CATSPERE: variants seen among roughly 807,000 people sequenced by gnomAD.
CATSPERE encodes the protein catsper channel auxiliary subunit epsilon.
In CATSPERE, 93 loss-of-function variants were observed where a neutral mutation model predicts 114.1. The observed-to-expected ratio is 0.81, with a 90% CI of 0.69 to 0.97. The LOEUF is 0.97. CATSPERE is among the 50% of genes least tolerant of loss of function. The probability of loss-of-function intolerance (pLI) is 0.00; values close to 1 mark genes in which losing one functional copy is unlikely to be tolerated. For synonymous variants in CATSPERE, 341 were observed against 384.1 expected, an observed-to-expected ratio of 0.89 and a Z score of 1.31; for missense variants, 1,058 against 1,131.6, an observed-to-expected ratio of 0.93 and a Z score of 0.93.
rs150559829 is a variant in CATSPERE at position 244,601,639 on chromosome 1, C to T, written c.2304-4056C>T. 1.6e-3 allele frequency among the ~76,000 whole-genome samples: 250 copies of T among 152,122 alleles called. 2 individuals are homozygous for T. The highest frequency in any genetic ancestry group is 5.8e-3 in the African/African-American group (239 of 41,506). ...GGCTGAGTAGGGAACGAAGAGAAGG[C>T]AAGAGAGAAATGCTGTGTGAGAAAG... On this transcript the variant is annotated intron_variant, in intron 17 of 21. Transcript: ENST00000366534.
chr1:244,494,947 A>T (rs958543718), intron 6 of CATSPERE, among the ~76,000 whole-genome samples: 7 of 152,218 alleles, frequency 4.6e-5, no homozygotes, highest in African/African-American at 7.2e-5. Flanking sequence ...TAATAATATT[A>T]TCAGTAATTA....
intron 5 of CATSPERE, among the ~76,000 whole-genome samples, chr1:244,486,614 C>T (rs1261332489): frequency 9.2e-6 from 1 of 108,332 alleles, no homozygotes; most frequent in Non-Finnish European, 1.9e-5. Flanking sequence ...GTGGAGTACT[C>T]GTGGGTCAGG....
In CATSPERE at chr1:244,533,551, A is replaced by G. The variant is rs554676783; in HGVS notation, c.536+14853A>G. 2.6e-5 allele frequency among the ~76,000 whole-genome samples: 4 copies of G among 152,198 alleles called. No homozygotes were observed. In the South Asian group the frequency reaches 8.3e-4, roughly 32 times the overall value. ...CTGTTGTATGTTATTTAAGACTACC[A>G]TGAAGCTTGCAAATAATTATAGCCC... On this transcript the variant is annotated intron_variant, in intron 8 of 21. Transcript: ENST00000366534.
chr1:244,566,827 G>A (rs983525451), intron 10 of CATSPERE, among the ~76,000 whole-genome samples: 14 of 151,154 alleles, frequency 9.3e-5, no homozygotes, highest in Admixed American at 4.0e-4. Context: ...CTTTTAATTG[G>A]GGCATTTAGC....
chr1:244,631,604 G>A (rs752214594), intron 20 of CATSPERE, among the ~76,000 whole-genome samples: 25 of 152,158 alleles, frequency 1.6e-4, no homozygotes, highest in African/African-American at 2.7e-4. Context: ...CTTACAACTC[G>A]ACAATAAGAA....
intron 10 of CATSPERE, among the ~76,000 whole-genome samples, chr1:244,565,266 A>G (rs1663269861): frequency 6.6e-6 from 1 of 152,194 alleles, no homozygotes; most frequent in Non-Finnish European, 1.5e-5. Flanking sequence ...GCCTCATAAA[A>G]TGAATTAGTG....
chr1:244,546,110 C>T (rs1659711777), intron 8 of CATSPERE, among the ~76,000 whole-genome samples: 1 of 152,176 alleles, frequency 6.6e-6, no homozygotes, highest in African/African-American at 2.4e-5. Flanking sequence ...ACTACAGAGG[C>T]CTTGGGTTTT....
intron 8 of CATSPERE, among the ~76,000 whole-genome samples, chr1:244,536,861 G>C (rs1324212882): frequency 6.6e-6 from 1 of 151,988 alleles, no homozygotes; most frequent in Non-Finnish European, 1.5e-5. Flanking sequence ...CCTCAAACTA[G>C]TTTTTTAAAG....
chr1:244,493,768 A>G (rs1269346918), intron 6 of CATSPERE, among the ~76,000 whole-genome samples: 1 of 152,096 alleles, frequency 6.6e-6, no homozygotes, highest in Non-Finnish European at 1.5e-5. Context: ...TAAACAAACA[A>G]CCCCATCAAA....
rs1212602898 is a variant in CATSPERE, at chr1:244,552,647, G to T, written c.862G>T (p.Ala288Ser). 6.2e-7 allele frequency: 1 copy of T among 1,614,122 alleles called. No individual in the cohort carries two copies. The highest frequency in any genetic ancestry group is 1.7e-5 in the Admixed American group (1 of 60,016). The change falls in exon 9 of 22, where the codon GCT (alanine) becomes TCT (serine). Residue 288 changes from alanine to serine, a missense_variant. By Grantham distance (99) the Ala-to-Ser change is moderately conservative. Transcript: ENST00000366534. ...GAGTGATGATGAAAGACGGAGTGTGGCTCATGTGATCTTATCGCGGGATGG... is the reference window on the plus strand; with the variant it reads ...GAGTGATGATGAAAGACGGAGTGTGTCTCATGTGATCTTATCGCGGGATGG... ...ILSDDERRSV[A>S]HVILSRDGIV...
At chr1:244,565,330 C>T (rs140552491) in intron 10 of CATSPERE, among the ~76,000 whole-genome samples, 50 of 152,230 alleles carry the variant, frequency 3.3e-4, no homozygotes, top group African/African-American at 9.6e-4. Context: ...ATGGTACCAG[C>T]TCCTCTTTGT....
At chr1:244,624,735 G>C (rs907377789) in intron 20 of CATSPERE, among the ~76,000 whole-genome samples, 5 of 152,046 alleles carry the variant, frequency 3.3e-5, no homozygotes, top group Non-Finnish European at 7.3e-5. Context: ...CTGGGAGGCA[G>C]AGGCTGCAGT....
intron 19 of CATSPERE, among the ~76,000 whole-genome samples, chr1:244,614,090 T>C (rs776153243): frequency 1.3e-4 from 20 of 152,204 alleles, no homozygotes; most frequent in East Asian, 3.9e-4. Context: ...CCTTCGACCT[T>C]GGACTTCTCA....
intron 10 of CATSPERE, among the ~76,000 whole-genome samples, chr1:244,561,864 C>T (rs889949786): frequency 2.0e-5 from 3 of 152,118 alleles, no homozygotes; most frequent in African/African-American, 4.8e-5. Flanking sequence ...TAAGAAACTC[C>T]TGTGAGGCCA....
intron 9 of CATSPERE, among the ~76,000 whole-genome samples, chr1:244,557,069 C>A (rs1661699863): frequency 6.6e-6 from 1 of 152,034 alleles, no homozygotes; most frequent in Non-Finnish European, 1.5e-5. Context: ...CTATTCTGTT[C>A]TGTTGGCCTA....
At chr1:244,488,232 C>T (rs920379228) in intron 5 of CATSPERE, among the ~76,000 whole-genome samples, 2 of 152,170 alleles carry the variant, frequency 1.3e-5, no homozygotes, top group Admixed American at 1.3e-4. Flanking sequence ...TTGCCAAATT[C>T]GATGGGATTT....
At chr1:244,466,871 A>G (rs1290683204) in intron 2 of CATSPERE, among the ~76,000 whole-genome samples, 3 of 152,068 alleles carry the variant, frequency 2.0e-5, no homozygotes, top group Non-Finnish European at 4.4e-5. Context: ...CCCCAAAACC[A>G]CCTATCTTTG....
At chr1:244,488,770 G>A (rs983163218) in intron 5 of CATSPERE, among the ~76,000 whole-genome samples, 17 of 152,040 alleles carry the variant, frequency 1.1e-4, no homozygotes, top group South Asian at 4.1e-4. Flanking sequence ...CTGGAGCCGG[G>A]GTCTTTTTAA....
In CATSPERE at chr1:244,590,424, TA is replaced by T. The variant is rs558602325; in HGVS notation, c.2139-1252del. Reference sequence around the variant, plus strand: ...TGTGTGTTTTACCATGGCAGCTTTTTAAAAAGTGTGATGAAATTCACATAAT... The same window carrying T: ...TGTGTGTTTTACCATGGCAGCTTTTTAAAAGTGTGATGAAATTCACATAAT... On this transcript the variant is annotated intron_variant, in intron 14 of 21. Transcript: ENST00000366534. 4.6e-5 allele frequency among the ~76,000 whole-genome samples: 7 copies of T among 152,300 alleles called. 1 individual carries two copies. In the South Asian group the frequency reaches 1.4e-3, roughly 32 times the overall value.
Sources: gnomAD v4.1 joint callset for allele counts (sites outside exome capture counted in the v4.1 genomes callset) on GRCh38, gnomAD v4.1.1 for gene constraint, MANE v1.5 for transcripts, NCBI Gene and HGNC (gene_info 2026-07-23, HGNC 2026-07-21) for gene names.